Variants in SLC39A11 observed in about 807,000 individuals in gnomAD.
The protein encoded by SLC39A11 is solute carrier family 39 member 11.
A neutral mutation model predicts 36.1 loss-of-function variants in SLC39A11; 33 were observed. That is an observed-to-expected ratio of 0.91 (90% CI 0.69 to 1.22). SLC39A11 has a LOEUF of 1.22. SLC39A11 is among the 50% of genes most tolerant of loss of function. SLC39A11 has a pLI of 0.00. For synonymous variants in SLC39A11, 166 were observed against 170.3 expected (o/e 0.97, Z 0.20); for missense variants, 432 against 430.3 (o/e 1.00, Z -0.03).
rs62071214 is a variant in SLC39A11, at chr17:72,858,188, A to G, written c.431-8384T>C. 7.9e-3 allele frequency among the ~76,000 whole-genome samples: 1,209 copies of G among 152,264 alleles called. 3 individuals are homozygous for G. Among genetic ancestry groups the G allele is most frequent in the Non-Finnish European group, 0.013 (897 of 68,000 alleles). On this transcript the variant is annotated intron_variant, in intron 5 of 9. Coordinates refer to ENST00000255559, the MANE Select transcript of SLC39A11 (RefSeq NM_139177.4). ...GGAAGGGATCCAGTTTAATTTCTATATATATGGCTAGCCAGTTATCTAAGC... is the reference window on the plus strand; with the variant it reads ...GGAAGGGATCCAGTTTAATTTCTATGTATATGGCTAGCCAGTTATCTAAGC...
chr17:72,804,285 G>A (rs1054396981), intron 6 of SLC39A11, among the ~76,000 whole-genome samples: 1 of 152,076 alleles, frequency 6.6e-6, no homozygotes, highest in Non-Finnish European at 1.5e-5. Context: ...TGGAACCACT[G>A]TTATCTCCCT....
chr17:72,656,096 G>A (rs900402063), intron 7 of SLC39A11, among the ~76,000 whole-genome samples: 1 of 152,088 alleles, frequency 6.6e-6, no homozygotes, highest in South Asian at 2.1e-4. Flanking sequence ...CCTCCTTTAC[G>A]CTCTGGGAAG....
At chr17:72,752,272 T>C (rs2075182837) in intron 6 of SLC39A11, among the ~76,000 whole-genome samples, 1 of 152,090 alleles carries the variant, frequency 6.6e-6, no homozygotes, top group African/African-American at 2.4e-5. Context: ...TAAGATGGAG[T>C]CTCGCTCTGT....
intron 4 of SLC39A11, among the ~76,000 whole-genome samples, chr17:72,983,881 A>G (rs1279745513): frequency 1.3e-5 from 2 of 152,180 alleles, no homozygotes; most frequent in African/African-American, 4.8e-5. Flanking sequence ...TGCCCTCACC[A>G]TCTGGGCAAG....
chr17:72,834,433 C>G (rs193058553), intron 6 of SLC39A11, among the ~76,000 whole-genome samples: 19 of 152,180 alleles, frequency 1.2e-4, no homozygotes, highest in Non-Finnish European at 2.8e-4. Flanking sequence ...ACCAGCCTGG[C>G]CAATATGGTG....
intron 5 of SLC39A11, among the ~76,000 whole-genome samples, chr17:72,926,240 C>A (rs932035026): frequency 6.6e-6 from 1 of 152,194 alleles, no homozygotes; most frequent in African/African-American, 2.4e-5. Flanking sequence ...TTTTAACCAG[C>A]CATGCTTTGA....
intron 2 of SLC39A11, among the ~76,000 whole-genome samples, chr17:73,085,653 A>AC (rs2060704663): frequency 6.6e-6 from 1 of 151,782 alleles, no homozygotes. Flanking sequence ...AAAAAAAAAA[A>AC]AAAAAAAAAC....
chr17:73,062,310 A>G (rs2059865182), intron 3 of SLC39A11, among the ~76,000 whole-genome samples: 1 of 151,206 alleles, frequency 6.6e-6, no homozygotes, highest in South Asian at 2.1e-4. Context: ...AAAAAATACA[A>G]AAATTGGGTG....
chr17:72,964,232 G>T (rs1035410767), intron 4 of SLC39A11, among the ~76,000 whole-genome samples: 46 of 152,322 alleles, frequency 3.0e-4, no homozygotes, highest in African/African-American at 1.1e-3. Flanking sequence ...GACCACTGCA[G>T]GACAGAATTA....
intron 5 of SLC39A11, 23 bp downstream of exon 5, chr17:72,947,729 G>T (rs1440002609): frequency 6.2e-6 from 10 of 1,613,378 alleles, no homozygotes; most frequent in Non-Finnish European, 8.5e-6. Context: ...CAAAGAGCTT[G>T]CCTGAAAGAA....
intron 4 of SLC39A11, among the ~76,000 whole-genome samples, chr17:73,028,613 C>T (rs2058638711): frequency 6.6e-6 from 1 of 152,128 alleles, no homozygotes; most frequent in Admixed American, 6.6e-5. Context: ...CAGATGTTTA[C>T]TGTCAGGCTG....
intron 6 of SLC39A11, among the ~76,000 whole-genome samples, chr17:72,806,875 G>T (rs1470895333): frequency 6.6e-6 from 1 of 152,188 alleles, no homozygotes; most frequent in Non-Finnish European, 1.5e-5. Context: ...GAGCCACCGT[G>T]CTCAGCCTCA....
chr17:73,018,285 A>G (rs1485876649), intron 4 of SLC39A11, among the ~76,000 whole-genome samples: 1 of 152,224 alleles, frequency 6.6e-6, no homozygotes, highest in Admixed American at 6.5e-5. Flanking sequence ...GCAGTGGCTC[A>G]TGGTTGTAAT....
Position 72,739,056 on chromosome 17 carries a change from T to G in SLC39A11, c.602-2337A>C, listed in dbSNP as rs1598513679. The stretch of plus-strand genomic sequence containing the variant: ...TTCTTTTTTTTGCCTAATTTTACCT[T>G]TTGTGCTTGATCTCCTGCGGGGTCC... On this transcript the variant is annotated intron_variant, in intron 6 of 9. Transcript: ENST00000255559. Among the ~76,000 whole-genome samples the G allele has an allele frequency of 2.0e-5, 3 of 152,214 alleles. No individual in the cohort carries two copies. The East Asian group carries it at 5.8e-4, about 29-fold the overall frequency.
chr17:72,852,598 TATGTGC>T (rs1251489601), intron 5 of SLC39A11, among the ~76,000 whole-genome samples: 16 of 152,302 alleles, frequency 1.1e-4, no homozygotes, highest in East Asian at 5.8e-4. Context: ...TGTGCATGTG[TATGTGC>T]GTGTGGGTGC....
chr17:72,854,309 A>C (rs1598120324), intron 5 of SLC39A11, among the ~76,000 whole-genome samples: 1 of 114,676 alleles, frequency 8.7e-6, no homozygotes, highest in African/African-American at 3.4e-5. Flanking sequence ...CTGGGGATGA[A>C]GTGGGGGGTG....
intron 5 of SLC39A11, among the ~76,000 whole-genome samples, chr17:72,913,120 C>T (rs2083119875): frequency 6.6e-6 from 1 of 151,786 alleles, no homozygotes; most frequent in African/African-American, 2.4e-5. Flanking sequence ...ATATTATATA[C>T]TGGTGTAGAC....
At chr17:72,816,778 A>G (rs2077597307) in intron 6 of SLC39A11, among the ~76,000 whole-genome samples, 1 of 152,314 alleles carries the variant, frequency 6.6e-6, no homozygotes, top group East Asian at 1.9e-4. Context: ...CGTTCAAATA[A>G]ATAATCATTT....
chr17:72,855,766 G>A lies in SLC39A11; in HGVS notation c.431-5962C>T, dbSNP rs373646507. Among the ~76,000 whole-genome samples, 6 of 152,146 alleles carry A rather than the reference G, an allele frequency of 3.9e-5. No homozygotes were observed. In the East Asian group the frequency reaches 5.8e-4, roughly 15 times the overall value. ...CAAAAAATTAGCCAGGCGTGGTGGCGGGCACCTGTAGTCCTAGCTACTTGG... is the reference window on the plus strand; with the variant it reads ...CAAAAAATTAGCCAGGCGTGGTGGCAGGCACCTGTAGTCCTAGCTACTTGG... On this transcript the variant is annotated intron_variant, in intron 5 of 9. Transcript: ENST00000255559.
Sources: allele counts gnomAD v4.1 joint callset (sites outside exome capture counted in the v4.1 genomes callset), GRCh38; gene constraint gnomAD v4.1.1; transcripts MANE v1.5; gene names NCBI Gene and HGNC (gene_info 2026-07-23, HGNC 2026-07-21).